Variants in PDE4B observed in about 807,000 individuals in gnomAD.
PDE4B encodes the protein 3',5'-cyclic-AMP phosphodiesterase 4B.
In PDE4B, 20 loss-of-function variants were observed where a neutral mutation model predicts 82.2. The ratio of observed to expected loss-of-function variants is 0.24; its 90% confidence interval spans 0.17 to 0.35. The LOEUF is 0.35. PDE4B is among the 10% of genes least tolerant of loss of function. The probability of loss-of-function intolerance (pLI) is 1.00; values close to 1 mark genes in which losing one functional copy is unlikely to be tolerated. For missense variants in PDE4B, 655 were observed against 907.2 expected, an observed-to-expected ratio of 0.72 and a Z score of 3.57; for synonymous variants, 320 against 318.9, an observed-to-expected ratio of 1.00 and a Z score of -0.04.
intron 4 of PDE4B, among the ~76,000 whole-genome samples, chr1:66,250,240 G>A (rs1653645327): frequency 6.6e-6 from 1 of 152,138 alleles, no homozygotes; most frequent in African/African-American, 2.4e-5. Flanking sequence ...AGCAAGAAGG[G>A]TGCTAATAGA....
At chr1:66,113,293 T>A (rs565213652) in intron 3 of PDE4B, among the ~76,000 whole-genome samples, 1 of 152,328 alleles carries the variant, frequency 6.6e-6, no homozygotes, top group East Asian at 1.9e-4. Flanking sequence ...AATTTTACTT[T>A]AACTAGCACT....
intron 15 of PDE4B, 54 bp downstream of exon 15, chr1:66,368,119 C>T: frequency 6.4e-7 from 1 of 1,573,008 alleles, no homozygotes; most frequent in Non-Finnish European, 8.7e-7. Flanking sequence ...CTAAGCTGAA[C>T]AACAATTAGA....
chr1:65,878,411 A>C (rs574322476), intron 1 of PDE4B, among the ~76,000 whole-genome samples: 15 of 152,320 alleles, frequency 9.8e-5, no homozygotes, highest in African/African-American at 3.4e-4. Flanking sequence ...ATATCATTCT[A>C]CTATAAAGAC....
At chr1:66,053,467 G>C (rs967634529) in intron 3 of PDE4B, among the ~76,000 whole-genome samples, 1 of 152,182 alleles carries the variant, frequency 6.6e-6, no homozygotes, top group Non-Finnish European at 1.5e-5. Flanking sequence ...CAACCCAGCT[G>C]AAGTTGGTAC....
chr1:66,278,318 G>T (rs1656041716), intron 7 of PDE4B, among the ~76,000 whole-genome samples: 1 of 152,208 alleles, frequency 6.6e-6, no homozygotes, highest in Non-Finnish European at 1.5e-5. Context: ...CTTTGCAGCT[G>T]CCCAGCTGCT....
intron 3 of PDE4B, among the ~76,000 whole-genome samples, chr1:66,163,149 T>C (rs912290698): frequency 4.6e-5 from 7 of 152,178 alleles, no homozygotes; most frequent in Non-Finnish European, 1.0e-4. Context: ...TCTAATCTAA[T>C]TCTTCCCGAG....
At chr1:66,062,717 C>A (rs1443166271) in intron 3 of PDE4B, among the ~76,000 whole-genome samples, 1 of 151,956 alleles carries the variant, frequency 6.6e-6, no homozygotes, top group Non-Finnish European at 1.5e-5. Flanking sequence ...CTTCAAAGAC[C>A]CTTCAATGCT....
chr1:66,028,093 C>T (rs1383423906), intron 3 of PDE4B, among the ~76,000 whole-genome samples: 1 of 152,236 alleles, frequency 6.6e-6, no homozygotes, highest in Non-Finnish European at 1.5e-5. Flanking sequence ...AGAGGTTCTC[C>T]ATGAGGGTGC....
chr1:66,134,412 A>G (rs1646014266), intron 3 of PDE4B, among the ~76,000 whole-genome samples: 2 of 152,196 alleles, frequency 1.3e-5, no homozygotes, highest in African/African-American at 2.4e-5. Context: ...TTATTTTTAC[A>G]GTATTTGATT....
intron 8 of PDE4B, among the ~76,000 whole-genome samples, chr1:66,354,163 C>T (rs1213460735): frequency 2.0e-5 from 3 of 152,192 alleles, no homozygotes; most frequent in Admixed American, 1.3e-4. Flanking sequence ...TAAAAACAGC[C>T]ATGGTCCTAA....
intron 3 of PDE4B, among the ~76,000 whole-genome samples, chr1:66,152,726 A>T (rs928247620): frequency 1.3e-5 from 2 of 151,462 alleles, no homozygotes; most frequent in African/African-American, 4.9e-5. Flanking sequence ...GCAAGTCCAA[A>T]ATTTGTAGGG....
intron 3 of PDE4B, among the ~76,000 whole-genome samples, chr1:66,109,454 T>G (rs989223429): frequency 2.2e-5 from 3 of 133,938 alleles, no homozygotes; most frequent in Non-Finnish European, 3.3e-5. Flanking sequence ...TATGTATAAT[T>G]TTTTCATGCT....
intron 3 of PDE4B, among the ~76,000 whole-genome samples, chr1:65,966,672 A>G (rs1385597021): frequency 6.6e-6 from 1 of 152,218 alleles, no homozygotes; most frequent in Non-Finnish European, 1.5e-5. Context: ...AGTAACCAAA[A>G]CAGCATGATA....
rs144016026 is a variant in PDE4B at position 66,278,941 on chromosome 1, C to T, written c.634+12854C>T. ...GGGGAAAATAAGGGTTCTTTGCATG[C>T]TTTTTGTCAACACAATGGGTCTCTG... On this transcript the variant is annotated intron_variant, in intron 7 of 16. Coordinates refer to ENST00000341517, the MANE Select transcript of PDE4B (RefSeq NM_002600.4). Among the ~76,000 whole-genome samples, 46 of 152,066 alleles carry T rather than the reference C, an allele frequency of 3.0e-4. 1 individual carries two copies. The East Asian group carries it at 7.0e-3, about 23-fold the overall frequency.
chr1:66,330,543 C>G (rs910694), intron 7 of PDE4B, among the ~76,000 whole-genome samples: 1 of 152,036 alleles, frequency 6.6e-6, no homozygotes, highest in East Asian at 1.9e-4. Flanking sequence ...CTACTTTCTC[C>G]CCACCGTCCT....
intron 1 of PDE4B, among the ~76,000 whole-genome samples, chr1:65,903,634 T>G (rs533254845): frequency 7.0e-4 from 106 of 152,314 alleles, no homozygotes; most frequent in Admixed American, 1.2e-3. Flanking sequence ...AATGATAGTT[T>G]CTAAATATGA....
chr1:65,886,636 T>C (rs1399927087), intron 1 of PDE4B, among the ~76,000 whole-genome samples: 3 of 152,176 alleles, frequency 2.0e-5, no homozygotes, highest in Non-Finnish European at 2.9e-5. Context: ...TATGTGATAT[T>C]TGTCTTTCTG....
intron 3 of PDE4B, among the ~76,000 whole-genome samples, chr1:65,947,087 A>G (rs1030242717): frequency 2.6e-5 from 4 of 152,014 alleles, no homozygotes; most frequent in African/African-American, 9.7e-5. Flanking sequence ...CACGGTTAAC[A>G]TGACATCCTC....
intron 7 of PDE4B, among the ~76,000 whole-genome samples, chr1:66,290,353 T>C (rs1057347771): frequency 2.0e-5 from 3 of 152,140 alleles, no homozygotes; most frequent in Admixed American, 1.3e-4. Context: ...TACCAGGTAA[T>C]GTTCTAAGTA....
Sources: allele counts gnomAD v4.1 joint callset (sites outside exome capture counted in the v4.1 genomes callset), GRCh38; gene constraint gnomAD v4.1.1; transcripts MANE v1.5; gene names NCBI Gene and HGNC (gene_info 2026-07-23, HGNC 2026-07-21).